CASTOR2: variants seen among roughly 807,000 people sequenced by gnomAD.
CASTOR2 encodes cytosolic arginine sensor for mTORC1 subunit 2, also known as GATS protein like 2.
CASTOR2 carries 8 observed loss-of-function variants against 31.2 expected under a neutral mutation model. The observed-to-expected ratio is 0.26, with a 90% CI of 0.15 to 0.46. CASTOR2 has a LOEUF of 0.46. Ranked by LOEUF, CASTOR2 falls within the 20% of genes least tolerant of loss-of-function variation. The pLI, the probability that CASTOR2 is intolerant of heterozygous loss-of-function variation, is 0.99. For missense variants in CASTOR2, 216 were observed against 382.1 expected, an observed-to-expected ratio of 0.57 and a Z score of 3.62; for synonymous variants, 162 against 158.7, an observed-to-expected ratio of 1.02 and a Z score of -0.16.
chr7:74,972,504 A>G (rs2131913855), intron 1 of CASTOR2, among the ~76,000 whole-genome samples: 1 of 150,824 alleles, frequency 6.6e-6, no homozygotes, highest in Non-Finnish European at 1.5e-5. Context: ...CAAAAACTAC[A>G]CAGGCAAGTA....
chr7:75,017,167 G>A (rs1554439926), intron 2 of CASTOR2, among the ~76,000 whole-genome samples: 2 of 151,472 alleles, frequency 1.3e-5, no homozygotes, highest in African/African-American at 2.4e-5. Context: ...AATCCCATCC[G>A]GCTGGGTGCG....
rs1805127156 is a variant in CASTOR2, at chr7:75,026,195, T to TGTTTTTTTTTG, written c.*1496_*1497insGTTTTTTTTTG. The stretch of plus-strand genomic sequence containing the variant: ...GGTTTTGGCTCTGGCGGGGGTTTTT[T>TGTTTTTTTTTG]TTTTTTTTTTTGAGATGGGAGTCTG... On this transcript the variant is annotated 3_prime_UTR_variant, in exon 9 of 9. Transcript: ENST00000616305. Among the ~76,000 whole-genome samples the TGTTTTTTTTTG allele has an allele frequency of 2.1e-5, 3 of 145,916 alleles. No homozygotes were observed. The highest frequency in any genetic ancestry group is 5.0e-5 in the African/African-American group (2 of 39,658).
chr7:75,006,434 A>T (rs1804607479), intron 1 of CASTOR2, among the ~76,000 whole-genome samples: 1 of 152,156 alleles, frequency 6.6e-6, no homozygotes, highest in Non-Finnish European at 1.5e-5. Flanking sequence ...GGTTCTATAG[A>T]TGAGGGGGCT....
In CASTOR2 at chr7:75,006,687, G is replaced by T. The variant is rs1468767212; in HGVS notation, c.114-1307G>T. On this transcript the variant is annotated intron_variant, in intron 1 of 8. Coordinates refer to ENST00000616305, the MANE Select transcript of CASTOR2 (RefSeq NM_001145064.3). ...CAGGTGGAGATAATTGAATCATGGG[G>T]GTGGTCTCCCTCATACTGTTCTCCT... Among the ~76,000 whole-genome samples the T allele has an allele frequency of 6.8e-3, 1,032 of 152,194 alleles. 13 individuals carry two copies. The highest frequency in any genetic ancestry group is 0.024 in the African/African-American group (982 of 41,524).
chr7:75,020,680 C>G (rs989425707), intron 6 of CASTOR2, among the ~76,000 whole-genome samples: 14 of 150,586 alleles, frequency 9.3e-5, no homozygotes, highest in Non-Finnish European at 1.9e-4. Context: ...TAGTAGAGAC[C>G]AGGTTTCACC....
At position 75,008,028 on chromosome 7, in the gene CASTOR2, G is replaced by GA; in HGVS notation, c.149dup (p.Asp50GlufsTer8). On this transcript the variant is annotated frameshift_variant, in exon 2 of 9. Transcript: ENST00000616305. LOFTEE classifies it high-confidence loss of function. ...CTTCAGTCTGACTGAGACGCCAGAG[G>GA]ATTACACTATCATTGTCGATGAGGA... 1 of 1,613,898 alleles carries GA rather than the reference G, an allele frequency of 6.2e-7. No homozygotes were observed. The highest frequency in any genetic ancestry group is 8.5e-7 in the Non-Finnish European group (1 of 1,179,850).
intron 1 of CASTOR2, among the ~76,000 whole-genome samples, chr7:75,005,930 G>T (rs1372241742): frequency 1.3e-3 from 202 of 152,310 alleles, no homozygotes; most frequent in African/African-American, 4.5e-3. Context: ...AGGAGTTCGA[G>T]ACCAGCCTGG....
chr7:74,999,151 A>G (rs1194244501), intron 1 of CASTOR2, among the ~76,000 whole-genome samples: 1 of 151,884 alleles, frequency 6.6e-6, no homozygotes, highest in African/African-American at 2.4e-5. Flanking sequence ...GCCCGCCACC[A>G]TGCCCAGCTA....
At chr7:75,021,729 G>A in intron 6 of CASTOR2, 145 bp from the exon 7 acceptor site, 2 of 961,360 alleles carry the variant, frequency 2.1e-6, no homozygotes, top group Admixed American at 2.0e-5. Context: ...AGGGTGTCTG[G>A]AAGGGATTGT....
intron 1 of CASTOR2, among the ~76,000 whole-genome samples, chr7:74,987,225 T>C (rs1329002043): frequency 4.6e-5 from 7 of 151,868 alleles, no homozygotes; most frequent in Admixed American, 2.0e-4. Flanking sequence ...GCCAACATGG[T>C]GAAACCCCAT....
At chr7:75,007,677 G>A (rs2131944547) in intron 1 of CASTOR2, among the ~76,000 whole-genome samples, 1 of 152,212 alleles carries the variant, frequency 6.6e-6, no homozygotes, top group South Asian at 2.1e-4. Context: ...CCACCCTTCG[G>A]CCACTTCTTC....
chr7:74,979,510 G>T (rs1264435474), intron 1 of CASTOR2, among the ~76,000 whole-genome samples: 6 of 77,908 alleles, frequency 7.7e-5, no homozygotes, highest in African/African-American at 3.3e-4. Flanking sequence ...TCCTGCCTCA[G>T]CCTCCCGAGT....
At chr7:74,997,640 G>A (rs1204309382) in intron 1 of CASTOR2, among the ~76,000 whole-genome samples, 1 of 151,946 alleles carries the variant, frequency 6.6e-6, no homozygotes, top group African/African-American at 2.4e-5. Flanking sequence ...TGGCCAGGCT[G>A]GGCTCGAACT....
At chr7:74,985,543 G>T (rs1301534049) in intron 1 of CASTOR2, among the ~76,000 whole-genome samples, 2 of 135,092 alleles carry the variant, frequency 1.5e-5, no homozygotes, top group African/African-American at 5.5e-5. Flanking sequence ...CAGTAATCAT[G>T]CACTCCAGCC....
chr7:74,985,923 C>A (rs1164918403), intron 1 of CASTOR2, among the ~76,000 whole-genome samples: 2 of 151,922 alleles, frequency 1.3e-5, no homozygotes, highest in African/African-American at 4.8e-5. Context: ...ACGGATTCCA[C>A]CTTTATTTAT....
intron 1 of CASTOR2, among the ~76,000 whole-genome samples, chr7:74,993,763 A>G (rs1160585826): frequency 7.0e-6 from 1 of 142,586 alleles, no homozygotes; most frequent in Non-Finnish European, 1.5e-5. Context: ...CCCCTTTCTT[A>G]TTTGCTGGTG....
At chr7:74,974,431 C>T (rs587612330) in intron 1 of CASTOR2, among the ~76,000 whole-genome samples, 35 of 150,878 alleles carry the variant, frequency 2.3e-4, no homozygotes, top group African/African-American at 8.3e-4. Context: ...GGACCAGAGG[C>T]CCACACAGGG....
At chr7:74,978,137 G>C (rs1554435962) in intron 1 of CASTOR2, among the ~76,000 whole-genome samples, 1 of 139,684 alleles carries the variant, frequency 7.2e-6, no homozygotes, top group East Asian at 2.1e-4. Flanking sequence ...ACAGGGTCTT[G>C]CTGTCACCCA....
At position 75,026,189 on chromosome 7, in the gene CASTOR2, G is replaced by GTTTTTTTTT. The variant is rs879121750; in HGVS notation, c.*1499_*1507dup. Reference sequence around the variant, plus strand: ...CCCTGTGGTTTTGGCTCTGGCGGGGGTTTTTTTTTTTTTTTTTGAGATGGG... The same window carrying GTTTTTTTTT: ...CCCTGTGGTTTTGGCTCTGGCGGGGGTTTTTTTTTTTTTTTTTTTTTTTTTTGAGATGGG... On this transcript the variant is annotated 3_prime_UTR_variant, in exon 9 of 9. Transcript: ENST00000616305. Among the ~76,000 whole-genome samples the GTTTTTTTTT allele has an allele frequency of 5.9e-5, 7 of 117,742 alleles. No homozygotes were observed. The highest frequency in any genetic ancestry group is 9.3e-5 in the Admixed American group (1 of 10,758). 77.2% of individuals were successfully genotyped at this position (117,742 alleles called of 152,430 possible). A position where few individuals can be genotyped will look rare whatever the true frequency, so the allele number is the denominator to read the frequency against.
Sources: allele counts gnomAD v4.1 joint callset (sites outside exome capture counted in the v4.1 genomes callset), GRCh38; gene constraint gnomAD v4.1.1; transcripts MANE v1.5; gene names NCBI Gene and HGNC (gene_info 2026-07-23, HGNC 2026-07-21).